OLR1: variants seen among roughly 807,000 people sequenced by gnomAD.
The protein encoded by OLR1 is oxidized low density lipoprotein receptor 1, also known as oxidized low-density lipoprotein receptor 1.
Under a neutral mutation model 31.7 loss-of-function variants are expected in OLR1, and 23 were observed. The observed-to-expected ratio is 0.72, with a 90% CI of 0.52 to 1.03. OLR1 has a LOEUF of 1.03. OLR1 is among the 50% of genes least tolerant of loss of function. The pLI, the probability that OLR1 is intolerant of heterozygous loss-of-function variation, is 0.00. For synonymous variants in OLR1, 117 were observed against 115.8 expected, an observed-to-expected ratio of 1.01 and a Z score of -0.07; for missense variants, 286 against 315.7, an observed-to-expected ratio of 0.91 and a Z score of 0.71.
At position 10,160,035 on chromosome 12, in the gene OLR1, A is replaced by G. The variant is rs1245761215; in HGVS notation, c.681-14T>C. The G allele has an allele frequency of 6.3e-7, 1 of 1,584,816 alleles. No individual in the cohort carries two copies. The highest frequency in any genetic ancestry group is 1.1e-5 in the South Asian group (1 of 88,264). ...CGGACTCTAAATCTGCAGGTAGGAA[A>G]AAACAAAACAAACCAACAAAAAAAC... On this transcript the variant is annotated splice_polypyrimidine_tract_variant and intron_variant, in intron 5 of 5. Transcript: ENST00000309539.
chr12:10,166,630 A>G, intron 3 of OLR1, 82 bp downstream of exon 3: 4 of 1,483,764 alleles, frequency 2.7e-6, no homozygotes, highest in Non-Finnish European at 3.7e-6. Flanking sequence ...ACCAATTTTG[A>G]GCCCAGAATT....
At chr12:10,171,528 G>T (rs1211580053) in intron 1 of OLR1, among the ~76,000 whole-genome samples, 1 of 152,192 alleles carries the variant, frequency 6.6e-6, no homozygotes, top group Non-Finnish European at 1.5e-5. Context: ...GTGCCTGAAG[G>T]ACTCTTACAG....
chr12:10,169,136 G>A lies in OLR1; in HGVS notation c.116C>T (p.Ala39Val). 1 of 1,613,966 alleles carries A rather than the reference G, an allele frequency of 6.2e-7. No individual in the cohort carries two copies. Among genetic ancestry groups the A allele is most frequent in the Non-Finnish European group, 8.5e-7 (1 of 1,179,932 alleles). The change falls in exon 2 of 6, where the codon GCT (alanine) becomes GTT (valine). Residue 39 changes from alanine (A) to valine (V), a missense_variant. By Grantham distance (64) the Ala-to-Val change is moderately conservative (BLOSUM62 0). Transcript: ENST00000309539. ...CAGGCAAAGGACCCCTAGAGTCGCA[G>A]CAGCCAGGCACCACCATGGAGAGTA... ...FLYSPWWCLA[A>V]ATLGVLCLGL...
At chr12:10,174,345 G>C (rs1010523321), upstream of OLR1, among the ~76,000 whole-genome samples, 1 of 152,200 alleles carries the variant, frequency 6.6e-6, no homozygotes. Flanking sequence ...TTACAAGCGT[G>C]AGCCACCGTG....
In OLR1 at chr12:10,164,242, G is replaced by A. The variant is rs765465020; in HGVS notation, c.424+2470C>T. Among the ~76,000 whole-genome samples the A allele has an allele frequency of 2.9e-4, 44 of 152,200 alleles. 1 individual carries two copies. The highest frequency in any genetic ancestry group is 2.9e-5 in the Non-Finnish European group (2 of 68,046). ...TTTATAAACATTCCTATCCTTAATAGATAAACTTTCTCCCTTTAAGCCTTC... is the reference window on the plus strand; with the variant it reads ...TTTATAAACATTCCTATCCTTAATAAATAAACTTTCTCCCTTTAAGCCTTC... On this transcript the variant is annotated intron_variant, in intron 3 of 5. Coordinates refer to ENST00000309539, the MANE Select transcript of OLR1 (RefSeq NM_002543.4).
At chr12:10,161,695 A>G (rs1164618355) in intron 3 of OLR1, among the ~76,000 whole-genome samples, 1 of 152,116 alleles carries the variant, frequency 6.6e-6, no homozygotes, top group Non-Finnish European at 1.5e-5. Context: ...GGCATGACCC[A>G]CCACACCCGG....
At chr12:10,160,708 C>A (rs1241276389) in intron 4 of OLR1, 78 bp downstream of exon 4, 3 of 1,540,080 alleles carry the variant, frequency 1.9e-6, no homozygotes, top group Non-Finnish European at 2.7e-6. Flanking sequence ...AACAAGAATT[C>A]CTCCAGTGAC....
chr12:10,175,121 G>A (rs1948756671), upstream of OLR1, among the ~76,000 whole-genome samples: 2 of 152,138 alleles, frequency 1.3e-5, no homozygotes, highest in Admixed American at 1.3e-4. Context: ...TCATGATCTT[G>A]TGTAATCCTT....
At chr12:10,163,685 C>G (rs139152028) in intron 3 of OLR1, among the ~76,000 whole-genome samples, 1,631 of 152,048 alleles carry the variant, frequency 0.011, 8 homozygotes, top group Middle Eastern at 0.017. Context: ...GTAATCCTAG[C>G]ACTTTAGGAG....
At chr12:10,168,952 A>T (rs1948685700) in intron 2 of OLR1, 122 bp downstream of exon 2, 1 of 575,768 alleles carries the variant, frequency 1.7e-6, no homozygotes, top group Admixed American at 3.6e-5. Flanking sequence ...CATTTTGCCT[A>T]AAATGAATCT....
At chr12:10,169,024 T>C (rs759215524) in intron 2 of OLR1, 50 bp downstream of exon 2, 1 of 1,314,458 alleles carries the variant, frequency 7.6e-7, no homozygotes, top group East Asian at 2.3e-5. Flanking sequence ...TTAACCTCAT[T>C]TCCAACACCC....
chr12:10,160,708 C>T (rs1241276389), intron 4 of OLR1, 78 bp downstream of exon 4: 1 of 1,539,962 alleles, frequency 6.5e-7, no homozygotes, highest in East Asian at 2.3e-5. Flanking sequence ...AACAAGAATT[C>T]CTCCAGTGAC....
intron 3 of OLR1, 151 bp downstream of exon 3, chr12:10,166,561 G>T: frequency 2.6e-6 from 2 of 774,874 alleles, no homozygotes; most frequent in East Asian, 2.5e-5. Context: ...AAAAGAAAAA[G>T]AAATTGAGAA....
intron 3 of OLR1, among the ~76,000 whole-genome samples, chr12:10,164,633 A>AT (rs1360784932): frequency 1.3e-5 from 2 of 152,200 alleles, no homozygotes; most frequent in Admixed American, 6.5e-5. Flanking sequence ...ACAATAGGGC[A>AT]CTAATTTACG....
chr12:10,161,605 G>A (rs964737253), intron 3 of OLR1, among the ~76,000 whole-genome samples: 55 of 152,006 alleles, frequency 3.6e-4, no homozygotes, highest in African/African-American at 1.3e-3. Flanking sequence ...ACAGGGTCTC[G>A]CTATGTTGTC....
chr12:10,166,583 G>T, intron 3 of OLR1, 129 bp downstream of exon 3: 2 of 861,466 alleles, frequency 2.3e-6, no homozygotes, highest in Non-Finnish European at 3.7e-6. Flanking sequence ...TTCTTGTATA[G>T]AACATTATGA....
intron 3 of OLR1, among the ~76,000 whole-genome samples, chr12:10,165,484 C>T (rs1473200001): frequency 2.6e-5 from 4 of 151,770 alleles, no homozygotes; most frequent in Non-Finnish European, 4.4e-5. Flanking sequence ...AGAAATAATG[C>T]CACAGAGTGA....
Position 10,172,115 on chromosome 12 carries a change from C to T in OLR1, c.-38G>A. ...GCTAAGAATGAGAGAGTGAAGCAGT[C>T]ACGAACTTCAACAAACTAAAAATAT... On this transcript the variant is annotated 5_prime_UTR_variant, in exon 1 of 6. Transcript: ENST00000309539. 1 of 1,478,614 alleles carries T rather than the reference C, an allele frequency of 6.8e-7. No homozygotes were observed. The highest frequency in any genetic ancestry group is 1.1e-5 in the South Asian group (1 of 88,062). 91.6% of individuals were successfully genotyped at this position (1,478,614 alleles called of 1,614,324 possible).
At chr12:10,173,626 A>G (rs1948742794), upstream of OLR1, among the ~76,000 whole-genome samples, 1 of 152,028 alleles carries the variant, frequency 6.6e-6, no homozygotes, top group South Asian at 2.1e-4. Context: ...CACTAAAAAT[A>G]CAAAAGTTAG....
Sources: gnomAD v4.1 joint callset for allele counts (sites outside exome capture counted in the v4.1 genomes callset) on GRCh38, gnomAD v4.1.1 for gene constraint, MANE v1.5 for transcripts, NCBI Gene and HGNC (gene_info 2026-07-23, HGNC 2026-07-21) for gene names.